The following SLC24A2 variants were observed in gnomAD, a reference collection of about 807,000 sequenced individuals.
SLC24A2 encodes solute carrier family 24 member 2, also known as sodium/potassium/calcium exchanger 2.
In SLC24A2, 36 loss-of-function variants were observed where a neutral mutation model predicts 62.0. The observed-to-expected ratio is 0.58, with a 90% confidence interval of 0.44 to 0.77. SLC24A2 has a LOEUF of 0.77. SLC24A2 is among the 30% of genes least tolerant of loss of function. The probability of loss-of-function intolerance (pLI) is 0.00; values close to 1 mark genes in which losing one functional copy is unlikely to be tolerated. For synonymous variants in SLC24A2, 358 were observed against 294.0 expected (o/e 1.22, Z -2.23); for missense variants, 846 against 817.9 (o/e 1.03, Z -0.42).
At chr9:19,843,386 C>A in the SLC24A2 span, among the ~76,000 whole-genome samples, 2 of 152,170 alleles carry the variant, frequency 1.3e-5, no homozygotes, top group Admixed American at 6.5e-5. Context: ...GTGGCGCATG[C>A]CTGTAACCCT....
the SLC24A2 span, among the ~76,000 whole-genome samples, chr9:20,206,641 C>T: frequency 6.6e-6 from 1 of 151,932 alleles, no homozygotes; most frequent in African/African-American, 2.4e-5. Context: ...AGGCTTGCAC[C>T]CAGCTAATTT....
intron 2 of SLC24A2, among the ~76,000 whole-genome samples, chr9:19,691,101 T>C (rs1820034338): frequency 6.6e-6 from 1 of 152,158 alleles, no homozygotes; most frequent in Non-Finnish European, 1.5e-5. Flanking sequence ...CACTCAATTT[T>C]AGTCCACTGG....
At chr9:19,903,776 G>C in the SLC24A2 span, among the ~76,000 whole-genome samples, 11 of 152,188 alleles carry the variant, frequency 7.2e-5, no homozygotes, top group Non-Finnish European at 7.3e-5. Context: ...AGATGGTCCA[G>C]TATATGGCAA....
chr9:19,758,545 A>C (rs1047717694), intron 2 of SLC24A2, among the ~76,000 whole-genome samples: 4 of 152,126 alleles, frequency 2.6e-5, no homozygotes, highest in African/African-American at 9.7e-5. Flanking sequence ...AACAAAAAAA[A>C]CCCCCTAAGA....
chr9:19,954,783 T>C, the SLC24A2 span, among the ~76,000 whole-genome samples: 267 of 152,256 alleles, frequency 1.8e-3, 6 homozygotes, highest in South Asian at 0.027. Flanking sequence ...AGAGGTGCAG[T>C]GTTGTTGCCT....
the SLC24A2 span, among the ~76,000 whole-genome samples, chr9:19,982,521 T>A: frequency 6.6e-6 from 1 of 152,112 alleles, no homozygotes; most frequent in South Asian, 2.1e-4. Context: ...AAAGGAAGAA[T>A]AGACTGGAGG....
the SLC24A2 span, among the ~76,000 whole-genome samples, chr9:20,264,905 G>A: frequency 5.3e-4 from 81 of 152,138 alleles, no homozygotes; most frequent in Admixed American, 1.2e-3. Flanking sequence ...AGTTCAAGAC[G>A]GCTCAGGAGT....
the SLC24A2 span, among the ~76,000 whole-genome samples, chr9:20,184,401 T>C: frequency 6.6e-6 from 1 of 151,808 alleles, no homozygotes; most frequent in Non-Finnish European, 1.5e-5. Flanking sequence ...ATTACAAAAA[T>C]TAGCCGGTAT....
chr9:19,563,020 C>A (rs1434898403), intron 7 of SLC24A2, among the ~76,000 whole-genome samples: 1 of 152,172 alleles, frequency 6.6e-6, no homozygotes, highest in Admixed American at 6.5e-5. Flanking sequence ...GTGGGAGGAT[C>A]ACTCAAGCCC....
At chr9:20,229,339 G>A in the SLC24A2 span, among the ~76,000 whole-genome samples, 1 of 152,126 alleles carries the variant, frequency 6.6e-6, no homozygotes, top group Non-Finnish European at 1.5e-5. Context: ...GGAAAGTATG[G>A]TATGAATATC....
chr9:20,284,061 C>T, the SLC24A2 span, among the ~76,000 whole-genome samples: 8,850 of 152,140 alleles, frequency 0.058, 316 homozygotes, highest in South Asian at 0.13. Context: ...CTTGACTCTC[C>T]GTGGCTGCCG....
the SLC24A2 span, among the ~76,000 whole-genome samples, chr9:19,894,736 A>G: frequency 6.6e-6 from 1 of 152,170 alleles, no homozygotes; most frequent in Non-Finnish European, 1.5e-5. Flanking sequence ...AGGTATATTT[A>G]TTATACAAGT....
chr9:19,902,646 C>A, the SLC24A2 span, among the ~76,000 whole-genome samples: 1 of 152,068 alleles, frequency 6.6e-6, no homozygotes, highest in African/African-American at 2.4e-5. Context: ...GATATTGAGT[C>A]ATTTGCCTAA....
intron 5 of SLC24A2, among the ~76,000 whole-genome samples, chr9:19,584,273 T>TAAAAAAAAAAAA (rs5896848): frequency 4.2e-5 from 5 of 119,938 alleles, no homozygotes; most frequent in African/African-American, 1.3e-4. Flanking sequence ...TAGCAAATAG[T>TAAAAAAAAAAAA]AAAAAAAAAA....
the SLC24A2 span, among the ~76,000 whole-genome samples, chr9:20,226,755 A>T: frequency 6.6e-6 from 1 of 152,142 alleles, no homozygotes; most frequent in Non-Finnish European, 1.5e-5. Flanking sequence ...AATACATTAC[A>T]TATATATGTT....
chr9:19,984,122 T>G, the SLC24A2 span, among the ~76,000 whole-genome samples: 1 of 152,224 alleles, frequency 6.6e-6, no homozygotes, highest in African/African-American at 2.4e-5. Context: ...TGTAACCCTG[T>G]TGTAAGTTGC....
chr9:19,556,524 G>A (rs1401956243), intron 7 of SLC24A2, among the ~76,000 whole-genome samples: 1 of 152,034 alleles, frequency 6.6e-6, no homozygotes, highest in Non-Finnish European at 1.5e-5. Flanking sequence ...TTTATTGACT[G>A]GTAATAACAT....
chr9:20,051,400 T>G, the SLC24A2 span, among the ~76,000 whole-genome samples: 1 of 152,022 alleles, frequency 6.6e-6, no homozygotes, highest in African/African-American at 2.4e-5. Context: ...ATCATGAAAC[T>G]GGGACATTTT....
chr9:19,908,226 C>T, the SLC24A2 span, among the ~76,000 whole-genome samples: 3 of 152,228 alleles, frequency 2.0e-5, no homozygotes, highest in African/African-American at 4.8e-5. Flanking sequence ...CAAAAACAAG[C>T]AATGGGGAAA....
Sources: gnomAD v4.1 joint callset for allele counts (sites outside exome capture counted in the v4.1 genomes callset) on GRCh38, gnomAD v4.1.1 for gene constraint, MANE v1.5 for transcripts, NCBI Gene and HGNC (gene_info 2026-07-23, HGNC 2026-07-21) for gene names.